The following RAB4B variants were observed in gnomAD, a reference collection of about 807,000 sequenced individuals.
The protein encoded by RAB4B is RAB4B, member RAS oncogene family, also known as ras-related protein Rab-4B.
RAB4B carries 15 observed loss-of-function variants against 28.3 expected under a neutral mutation model. That is an observed-to-expected ratio of 0.53 (90% CI 0.35 to 0.82). The LOEUF (loss-of-function observed/expected upper bound fraction) is 0.82, where lower values mean the gene tolerates loss of function less well. Ranked by LOEUF, RAB4B falls within the 40% of genes least tolerant of loss-of-function variation. The pLI is 0.01. For synonymous variants in RAB4B, 108 were observed against 116.3 expected, an observed-to-expected ratio of 0.93 and a Z score of 0.46; for missense variants, 244 against 288.5, an observed-to-expected ratio of 0.85 and a Z score of 1.12.
intron 5 of RAB4B, 147 bp from the exon 6 acceptor site, chr19:40,786,518 T>C (rs1223472778): frequency 3.3e-6 from 4 of 1,210,464 alleles, no homozygotes; most frequent in Non-Finnish European, 4.6e-6. Flanking sequence ...CGGACATTAG[T>C]GGCAGGGAAA....
chr19:40,792,427 G>A (rs2083167529), intron 7 of RAB4B: 1 of 152,256 alleles, frequency 6.6e-6, no homozygotes, highest in Non-Finnish European at 1.5e-5. Flanking sequence ...ATGAATGGGT[G>A]TGTCTTCTTC....
chr19:40,789,169 T>C (rs1480515524), intron 7 of RAB4B, among the ~76,000 whole-genome samples: 1 of 151,800 alleles, frequency 6.6e-6, no homozygotes, highest in Non-Finnish European at 1.5e-5. Flanking sequence ...ATGTTGAGAT[T>C]ACAGGCGTGA....
intron 7 of RAB4B, among the ~76,000 whole-genome samples, chr19:40,789,572 C>T (rs1243605567): frequency 6.9e-6 from 1 of 145,270 alleles, no homozygotes; most frequent in Non-Finnish European, 1.5e-5. Context: ...GGCACGATCT[C>T]GGCTCACTGC....
chr19:40,789,810 T>A (rs1253534451), intron 7 of RAB4B, among the ~76,000 whole-genome samples: 2 of 152,186 alleles, frequency 1.3e-5, no homozygotes, highest in Admixed American at 6.5e-5. Flanking sequence ...AGAGTGTACA[T>A]TTAAACAAGA....
rs1257023301 is a variant in RAB4B, at chr19:40,784,044, C to T, written c.399C>T (p.Phe133=). 15 of 1,613,634 alleles carry T rather than the reference C, an allele frequency of 9.3e-6. No individual in the cohort carries two copies. In the South Asian group the frequency reaches 1.2e-4, roughly 13 times the overall value. ...KDLDPEREVT[F]LEASRFAQEN... Reference sequence around the variant, plus strand: ...TGGACCCTGAGCGGGAGGTCACTTTCCTGGAGGCCTCCCGCTTTGCCCAGG... The same window carrying T: ...TGGACCCTGAGCGGGAGGTCACTTTTCTGGAGGCCTCCCGCTTTGCCCAGG... Residue 133 remains phenylalanine (F), a synonymous_variant, in exon 5 of 8, where the codon TTC becomes TTT. Transcript: ENST00000357052.
chr19:40,779,128 G>A, intron 1 of RAB4B: 4 of 579,376 alleles, frequency 6.9e-6, no homozygotes, highest in Non-Finnish European at 8.7e-6. Context: ...TGAGTCAGAG[G>A]GTGGTAGGAG....
In RAB4B at chr19:40,786,894, T is replaced by G. The variant is rs1316590092; in HGVS notation, c.573T>G (p.Asp191Glu). The change falls in exon 7 of 8, where the codon GAT becomes GAG. Residue 191 changes from aspartate to glutamate, a missense_variant. Transcript: ENST00000357052. Reference protein sequence around the residue: ...ERMGSGIQYGDASLRQLRQPR... With the variant: ...ERMGSGIQYGEASLRQLRQPR... ...TGGGCTCTGGCATTCAGTACGGGGA[T>G]GCGTCCCTCCGCCAGCTTCGGCAGC... is the stretch of plus-strand genomic sequence containing the variant. 6.2e-7 allele frequency: 1 copy of G among 1,614,094 alleles called. No homozygotes were observed. Among genetic ancestry groups the G allele is most frequent in the South Asian group, 1.1e-5 (1 of 91,082 alleles).
At chr19:40,786,409 C>T (rs1209499890) in intron 5 of RAB4B, 3 of 459,050 alleles carry the variant, frequency 6.5e-6, no homozygotes, top group African/African-American at 4.0e-5. Context: ...AGCCCTAAGT[C>T]GGTACCTGAC....
At chr19:40,795,756 G>A (rs187540335) in intron 7 of RAB4B, among the ~76,000 whole-genome samples, 76 of 150,870 alleles carry the variant, frequency 5.0e-4, no homozygotes, top group African/African-American at 1.8e-3. Flanking sequence ...TGCCCAGGTT[G>A]GAGTGCAATA....
At chr19:40,782,011 G>C (rs2083053129) in intron 3 of RAB4B, among the ~76,000 whole-genome samples, 3 of 121,652 alleles carry the variant, frequency 2.5e-5, no homozygotes, top group Non-Finnish European at 3.4e-5. Context: ...ACAGAGCTAG[G>C]CTCCGTTTCA....
chr19:40,783,799 C>T lies in RAB4B; in HGVS notation c.234C>T (p.Tyr78=), dbSNP rs755226430. 24 of 1,579,016 alleles carry T rather than the reference C, an allele frequency of 1.5e-5. No individual in the cohort carries two copies. Among genetic ancestry groups the T allele is most frequent in the Non-Finnish European group, 1.0e-5 (12 of 1,160,122 alleles). The stretch of plus-strand genomic sequence containing the variant: ...ACAGGTCAGTGACGCGGAGTTATTA[C>T]CGAGGGGCGGCTGGAGCCCTGCTGG... The part of the protein sequence containing the change: ...ERFRSVTRSY[Y]RGAAGALLVY... The change falls in exon 4 of 8, where the codon TAC becomes TAT. Residue 78 remains tyrosine (Y), a synonymous_variant. Transcript: ENST00000357052.
intron 7 of RAB4B, among the ~76,000 whole-genome samples, chr19:40,791,058 T>C (rs970149111): frequency 1.3e-5 from 2 of 152,012 alleles, no homozygotes; most frequent in African/African-American, 4.8e-5. Context: ...GGTTTCACCA[T>C]GTTAGCCAGG....
intron 5 of RAB4B, chr19:40,785,947 G>C (rs2083094477): frequency 6.2e-6 from 1 of 160,920 alleles, no homozygotes; most frequent in Non-Finnish European, 1.4e-5. Flanking sequence ...GCCAGTACTG[G>C]GGGGGCAGGC....
At chr19:40,791,707 C>CACCGCA (rs1166444343) in intron 7 of RAB4B, among the ~76,000 whole-genome samples, 1 of 152,022 alleles carries the variant, frequency 6.6e-6, no homozygotes, top group Non-Finnish European at 1.5e-5. Context: ...GATTTCGGCT[C>CACCGCA]ACCGCAACCT....
At chr19:40,789,804 T>A (rs1025362797) in intron 7 of RAB4B, among the ~76,000 whole-genome samples, 1 of 151,876 alleles carries the variant, frequency 6.6e-6, no homozygotes, top group African/African-American at 2.4e-5. Context: ...TGGCCAAGAG[T>A]GTACATTTAA....
intron 5 of RAB4B, 32 bp downstream of exon 5, chr19:40,784,107 G>C (rs368998577): frequency 1.3e-6 from 2 of 1,580,054 alleles, no homozygotes; most frequent in Admixed American, 3.5e-5. Flanking sequence ...AGGTGGTGGT[G>C]GGGGTGGACA....
At chr19:40,780,362 C>T (rs756247813) in intron 2 of RAB4B, 23 bp from the exon 3 acceptor site, 1 of 1,579,260 alleles carries the variant, frequency 6.3e-7, no homozygotes, top group African/African-American at 1.4e-5. Flanking sequence ...CTGTACTGCC[C>T]CTTCTGTTCC....
chr19:40,790,349 T>A (rs1006221183), intron 7 of RAB4B, among the ~76,000 whole-genome samples: 3 of 149,064 alleles, frequency 2.0e-5, no homozygotes, highest in Non-Finnish European at 4.4e-5. Flanking sequence ...AGTCTTGGCC[T>A]CTCTCTTTTT....
Position 40,783,807 on chromosome 19 carries a change from C to T in RAB4B, c.242C>T (p.Ala81Val), listed in dbSNP as rs890530071. ...GTGACGCGGAGTTATTACCGAGGGG[C>T]GGCTGGAGCCCTGCTGGTGTACGAC... Reference protein sequence around the residue: ...RSVTRSYYRGAAGALLVYDIT... With the variant: ...RSVTRSYYRGVAGALLVYDIT... Residue 81 changes from alanine to valine, a missense_variant, in exon 4 of 8, where the codon GCG becomes GTG. Ala to Val is a moderately conservative substitution (Grantham distance 64). Coordinates refer to ENST00000357052, the MANE Select transcript of RAB4B (RefSeq NM_016154.5). 6.1e-6 allele frequency: 8 copies of T among 1,321,834 alleles called. No individual in the cohort carries two copies. Among genetic ancestry groups the T allele is most frequent in the Admixed American group, 4.2e-5 (2 of 47,706 alleles). The allele number at this position is 1,321,834 out of a possible 1,614,324, so 81.9% of individuals were successfully genotyped here. A position where few individuals can be genotyped will look rare whatever the true frequency, so the allele number is the denominator to read the frequency against.
Sources: gnomAD v4.1 joint callset for allele counts (sites outside exome capture counted in the v4.1 genomes callset) on GRCh38, gnomAD v4.1.1 for gene constraint, MANE v1.5 for transcripts, NCBI Gene and HGNC (gene_info 2026-07-23, HGNC 2026-07-21) for gene names.